ATRNL1: variants seen among roughly 807,000 people sequenced by gnomAD.
The protein encoded by ATRNL1 is attractin-like protein 1.
ATRNL1 carries 95 observed loss-of-function variants against 182.7 expected under a neutral mutation model. That is an observed-to-expected ratio of 0.52 (90% CI 0.44 to 0.62). The LOEUF is 0.62. Ranked by LOEUF, ATRNL1 falls within the 20% of genes least tolerant of loss-of-function variation. The pLI is 0.00. For synonymous variants in ATRNL1, 576 were observed against 568.3 expected, an observed-to-expected ratio of 1.01 and a Z score of -0.19; for missense variants, 1,471 against 1,679.5, an observed-to-expected ratio of 0.88 and a Z score of 2.17.
intron 24 of ATRNL1, among the ~76,000 whole-genome samples, chr10:115,505,330 A>G: frequency 6.6e-6 from 1 of 152,124 alleles, no homozygotes; most frequent in Admixed American, 6.6e-5. Flanking sequence ...CTTTTTAAAC[A>G]AAGATATTTC....
chr10:115,948,402 A>C lies in ATRNL1; in HGVS notation c.*3623A>C, dbSNP rs1377051324. 2 of 152,232 alleles carry C rather than the reference A, an allele frequency of 1.3e-5. No individual in the cohort carries two copies. The highest frequency in any genetic ancestry group is 4.8e-5 in the African/African-American group (2 of 41,452). The allele number at this position is 152,232 out of a possible 1,614,324, so 9.4% of individuals were successfully genotyped here. On this transcript the variant is annotated 3_prime_UTR_variant, in exon 29 of 29. Coordinates refer to ENST00000355044, the MANE Select transcript of ATRNL1 (RefSeq NM_207303.4). ...AAATGAAAACTGACCAAATGAACTA[A>C]TTCTACCCACCTATGGTCTTTTTAA... is the stretch of plus-strand genomic sequence containing the variant.
At chr10:115,877,352 C>T (rs1305607775) in intron 28 of ATRNL1, among the ~76,000 whole-genome samples, 1 of 152,194 alleles carries the variant, frequency 6.6e-6, no homozygotes, top group Non-Finnish European at 1.5e-5. Context: ...CCTCCCTGAA[C>T]CTGATCAGGC....
chr10:115,561,129 A>G (rs1312507037), intron 26 of ATRNL1, among the ~76,000 whole-genome samples: 1 of 150,458 alleles, frequency 6.6e-6, no homozygotes, highest in Non-Finnish European at 1.5e-5. Flanking sequence ...AAAGGTGATT[A>G]AAGAAAAAAA....
intron 26 of ATRNL1, among the ~76,000 whole-genome samples, chr10:115,699,579 G>A (rs1478092942): frequency 6.6e-6 from 1 of 151,992 alleles, no homozygotes; most frequent in Non-Finnish European, 1.5e-5. Context: ...AAACATAAAT[G>A]GATGTTAGAA....
At chr10:115,921,866 A>G (rs1368033916) in intron 28 of ATRNL1, among the ~76,000 whole-genome samples, 1 of 152,226 alleles carries the variant, frequency 6.6e-6, no homozygotes, top group Non-Finnish European at 1.5e-5. Context: ...AGTGTTGGAA[A>G]ATAAAAACAG....
intron 26 of ATRNL1, among the ~76,000 whole-genome samples, chr10:115,604,824 G>T (rs1555017123): frequency 6.6e-6 from 1 of 152,028 alleles, no homozygotes; most frequent in African/African-American, 2.4e-5. Context: ...TATTTATGGC[G>T]GGAGGTTAAA....
At chr10:115,629,867 G>A (rs563409925) in intron 26 of ATRNL1, among the ~76,000 whole-genome samples, 2 of 152,182 alleles carry the variant, frequency 1.3e-5, no homozygotes, top group South Asian at 2.1e-4. Context: ...ATGGCTTCTC[G>A]GAGAAGATGG....
At chr10:115,449,164 C>T (rs1186026676) in intron 21 of ATRNL1, among the ~76,000 whole-genome samples, 3 of 152,138 alleles carry the variant, frequency 2.0e-5, no homozygotes, top group Non-Finnish European at 2.9e-5. Flanking sequence ...CCAAAATCGC[C>T]CTGGCCCACC....
At chr10:115,471,226 G>A (rs1336426270) in intron 24 of ATRNL1, among the ~76,000 whole-genome samples, 1 of 150,602 alleles carries the variant, frequency 6.6e-6, no homozygotes, top group African/African-American at 2.4e-5. Context: ...TATAAATCAC[G>A]ATTTCTTTAT....
At chr10:115,331,680 G>C (rs193269455) in intron 18 of ATRNL1, among the ~76,000 whole-genome samples, 1 of 151,070 alleles carries the variant, frequency 6.6e-6, no homozygotes, top group Non-Finnish European at 1.5e-5. Context: ...TTTTTTTCCA[G>C]TCTTTGCAGT....
At chr10:115,311,455 G>A (rs1554927782) in intron 17 of ATRNL1, among the ~76,000 whole-genome samples, 1 of 152,158 alleles carries the variant, frequency 6.6e-6, no homozygotes, top group African/African-American at 2.4e-5. Flanking sequence ...CCAAAGTGCT[G>A]GGATTACAGG....
At chr10:115,097,401 C>G (rs1268288293) in intron 1 of ATRNL1, among the ~76,000 whole-genome samples, 1 of 152,126 alleles carries the variant, frequency 6.6e-6, no homozygotes, top group East Asian at 1.9e-4. Flanking sequence ...CGGAAGAATT[C>G]CTTGAGCTCA....
chr10:115,537,158 T>C (rs1852079786), intron 25 of ATRNL1, among the ~76,000 whole-genome samples: 1 of 152,214 alleles, frequency 6.6e-6, no homozygotes, highest in Non-Finnish European at 1.5e-5. Flanking sequence ...AACCAAAATA[T>C]TTAATGCGGT....
chr10:115,793,347 A>ACCTACCCATACTCTC, intron 27 of ATRNL1, among the ~76,000 whole-genome samples: 1 of 152,206 alleles, frequency 6.6e-6, no homozygotes, highest in South Asian at 2.1e-4. Context: ...CATCATAGAA[A>ACCTACCCATACTCTC]ATGATGGTAG....
intron 19 of ATRNL1, among the ~76,000 whole-genome samples, chr10:115,354,304 A>G (rs1417727570): frequency 6.6e-6 from 1 of 152,090 alleles, no homozygotes; most frequent in Non-Finnish European, 1.5e-5. Flanking sequence ...GTTATATGTT[A>G]GCAGCCTTTA....
At chr10:115,149,294 A>T (rs1229269477) in intron 5 of ATRNL1, among the ~76,000 whole-genome samples, 1 of 152,156 alleles carries the variant, frequency 6.6e-6, no homozygotes, top group Non-Finnish European at 1.5e-5. Flanking sequence ...AGCTTCCAGC[A>T]TTCCAGCTTG....
rs782576852 is a variant in ATRNL1, at chr10:115,946,344, G to T, written c.*1565G>T. On this transcript the variant is annotated 3_prime_UTR_variant, in exon 29 of 29. Coordinates refer to ENST00000355044, the MANE Select transcript of ATRNL1 (RefSeq NM_207303.4). ...TGATATTAAGTGTTTATTTCATAAT[G>T]CCATTTATACATAGCTGAATTTGAT... The T allele has an allele frequency of 1.3e-5, 2 of 152,124 alleles. No homozygotes were observed. Among genetic ancestry groups the T allele is most frequent in the Non-Finnish European group, 2.9e-5 (2 of 68,012 alleles). The allele number at this position is 152,124 out of a possible 1,614,324, so 9.4% of individuals were successfully genotyped here.
rs537611004 is a variant in ATRNL1, at chr10:115,445,420, G to C, written c.3323-16521G>C. On this transcript the variant is annotated intron_variant, in intron 21 of 28. Transcript: ENST00000355044. ...CACTCCAGCCTGGGTGACAGAGTGA[G>C]ATTTCGCCTCAAAAAAAAAAAAAAA... Among the ~76,000 whole-genome samples the C allele has an allele frequency of 6.3e-4, 63 of 100,320 alleles. 1 individual carries two copies. The East Asian group carries it at 0.016, about 26-fold the overall frequency. 65.8% of individuals were successfully genotyped at this position (100,320 alleles called of 152,430 possible).
intron 28 of ATRNL1, among the ~76,000 whole-genome samples, chr10:115,907,407 G>T (rs1315697338): frequency 3.3e-5 from 5 of 152,242 alleles, no homozygotes; most frequent in Admixed American, 2.0e-4. Flanking sequence ...CGTCTCACAG[G>T]ACTACTTTAT....
Sources: allele counts gnomAD v4.1 joint callset (sites outside exome capture counted in the v4.1 genomes callset), GRCh38; gene constraint gnomAD v4.1.1; transcripts MANE v1.5; gene names NCBI Gene and HGNC (gene_info 2026-07-23, HGNC 2026-07-21).